WLS: variants seen among roughly 807,000 people sequenced by gnomAD.
WLS encodes the protein protein wntless homolog.
Under a neutral mutation model 62.8 loss-of-function variants are expected in WLS, and 23 were observed. The ratio of observed to expected loss-of-function variants is 0.37; its 90% confidence interval spans 0.26 to 0.52. WLS has a LOEUF of 0.52. Ranked by LOEUF, WLS falls within the 20% of genes least tolerant of loss-of-function variation. The pLI is 0.92. For missense variants in WLS, 615 were observed against 697.3 expected (o/e 0.88, Z 1.33); for synonymous variants, 246 against 244.1 (o/e 1.01, Z -0.07).
intron 11 of WLS, among the ~76,000 whole-genome samples, chr1:68,104,912 A>T (rs190227695): frequency 2.6e-5 from 4 of 152,214 alleles, no homozygotes; most frequent in Admixed American, 2.6e-4. Flanking sequence ...AAAGCAAGAC[A>T]CCTGTCTCAG....
intron 8 of WLS, among the ~76,000 whole-genome samples, chr1:68,146,551 C>T (rs1025511305): frequency 6.6e-6 from 1 of 152,010 alleles, no homozygotes; most frequent in Non-Finnish European, 1.5e-5. Context: ...TATAAGAATG[C>T]GATTGAGATA....
intron 1 of WLS, among the ~76,000 whole-genome samples, chr1:68,198,177 C>A (rs1557514782): frequency 1.3e-5 from 2 of 152,110 alleles, no homozygotes; most frequent in East Asian, 3.9e-4. Context: ...ACTTCTACAC[C>A]AGACCAATTC....
chr1:68,098,910 T>C (rs1404030710), intron 11 of WLS: 6 of 1,130,102 alleles, frequency 5.3e-6, no homozygotes, highest in South Asian at 2.0e-5. Context: ...GTGTCCTTCA[T>C]TGTGGGACAT....
Position 68,150,197 on chromosome 1 carries a change from C to G in WLS, c.963G>C (p.Glu321Asp). The change falls in exon 6 of 12, where the codon GAG becomes GAC. Residue 321 changes from glutamate to aspartate, a missense_variant. Glu to Asp is a conservative substitution (Grantham distance 45). Coordinates refer to ENST00000262348, the MANE Select transcript of WLS (RefSeq NM_024911.7). ...LLSFWIIFCG[E>D]HMMDQHERNH... ...TCCCGGCGGCTCTTACCATCATGTG[C>G]TCGCCACAGAAGATGATCCAGAAGG... is the stretch of plus-strand genomic sequence containing the variant. 10 of 1,614,062 alleles carry G rather than the reference C, an allele frequency of 6.2e-6. No homozygotes were observed. The highest frequency in any genetic ancestry group is 8.5e-6 in the Non-Finnish European group (10 of 1,179,978).
intron 2 of WLS, among the ~76,000 whole-genome samples, chr1:68,186,141 T>C (rs2100581939): frequency 6.6e-6 from 1 of 152,306 alleles, no homozygotes; most frequent in South Asian, 2.1e-4. Flanking sequence ...GCCATCATTT[T>C]TCTCCCAAAG....
rs115645626 is a variant in WLS, at chr1:68,180,279, C to G, written c.379+13676G>C. Among the ~76,000 whole-genome samples the G allele has an allele frequency of 2.7e-3, 414 of 152,098 alleles. 2 individuals are homozygous for G. The highest frequency in any genetic ancestry group is 9.8e-3 in the African/African-American group (405 of 41,498). ...AGAACTCTTTTCCATGTGACAGCAACTTAAGATACTAAACTGAAATATTTG... is the reference window on the plus strand; with the variant it reads ...AGAACTCTTTTCCATGTGACAGCAAGTTAAGATACTAAACTGAAATATTTG... On this transcript the variant is annotated intron_variant, in intron 2 of 11. Transcript: ENST00000262348.
At chr1:68,157,571 G>T (rs372615921) in intron 3 of WLS, among the ~76,000 whole-genome samples, 105 of 91,408 alleles carry the variant, frequency 1.1e-3, no homozygotes, top group African/African-American at 4.3e-3. Flanking sequence ...ACAGCAGGTG[G>T]CAACTTGACT....
intron 1 of WLS, among the ~76,000 whole-genome samples, chr1:68,222,916 G>T: frequency 7.2e-6 from 1 of 139,618 alleles, no homozygotes. Flanking sequence ...TGGGGGTGGG[G>T]GTGGGGGTGG....
chr1:68,231,820 G>T (rs1650434665), intron 1 of WLS: 4 of 480,864 alleles, frequency 8.3e-6, no homozygotes. Flanking sequence ...TGATTGGAAG[G>T]GAACCGAGAG....
chr1:68,142,102 G>T (rs755203252), intron 10 of WLS, among the ~76,000 whole-genome samples: 1 of 152,206 alleles, frequency 6.6e-6, no homozygotes, highest in Non-Finnish European at 1.5e-5. Flanking sequence ...GGCTTCCTTT[G>T]CTATAAGAAG....
At chr1:68,205,367 G>C (rs1020455797) in intron 1 of WLS, among the ~76,000 whole-genome samples, 4 of 152,108 alleles carry the variant, frequency 2.6e-5, no homozygotes, top group Non-Finnish European at 5.9e-5. Flanking sequence ...AAAGAAATTA[G>C]ATAGTAGGCA....
chr1:68,186,522 G>C, intron 2 of WLS: 1 of 429,630 alleles, frequency 2.3e-6, no homozygotes, highest in Non-Finnish European at 4.6e-6. Flanking sequence ...AAATGGATTG[G>C]TCTTGACTTT....
At chr1:68,139,642 TACTC>T (rs1646659287) in intron 10 of WLS, among the ~76,000 whole-genome samples, 1 of 152,214 alleles carries the variant, frequency 6.6e-6, no homozygotes, top group South Asian at 2.1e-4. Flanking sequence ...AAGCTGGAAA[TACTC>T]AATATTGACA....
At chr1:68,121,778 A>G (rs1196881784), downstream of WLS, among the ~76,000 whole-genome samples, 2 of 152,332 alleles carry the variant, frequency 1.3e-5, no homozygotes, top group East Asian at 3.9e-4. Context: ...AGGGTCACGC[A>G]GCAGAGAGAG....
intron 11 of WLS, among the ~76,000 whole-genome samples, chr1:68,099,189 C>T (rs1430634781): frequency 6.6e-6 from 1 of 152,048 alleles, no homozygotes; most frequent in Non-Finnish European, 1.5e-5. Context: ...ATTGAATCAT[C>T]TTTAAATTTA....
intron 4 of WLS, among the ~76,000 whole-genome samples, chr1:68,154,542 T>A (rs936273352): frequency 2.5e-4 from 38 of 152,282 alleles, no homozygotes; most frequent in African/African-American, 8.9e-4. Context: ...AATTACTACG[T>A]ATAAAAAAAA....
downstream of WLS, among the ~76,000 whole-genome samples, chr1:68,120,678 T>C (rs938048864): frequency 6.6e-6 from 1 of 150,978 alleles, no homozygotes; most frequent in Non-Finnish European, 1.5e-5. Flanking sequence ...ACAACACACA[T>C]CACTGCTGTT....
At chr1:68,168,115 G>A (rs539548421) in intron 2 of WLS, among the ~76,000 whole-genome samples, 10 of 152,206 alleles carry the variant, frequency 6.6e-5, no homozygotes, top group African/African-American at 2.2e-4. Context: ...GGTGGGAGGG[G>A]GGTGCTAGAA....
chr1:68,148,446 G>T, intron 7 of WLS, 117 bp downstream of exon 7: 1 of 1,118,720 alleles, frequency 8.9e-7, no homozygotes, highest in Non-Finnish European at 1.3e-6. Context: ...CACGTCCAGT[G>T]CTTCCAAACC....
Sources: gnomAD v4.1 joint callset for allele counts (sites outside exome capture counted in the v4.1 genomes callset) on GRCh38, gnomAD v4.1.1 for gene constraint, MANE v1.5 for transcripts, NCBI Gene and HGNC (gene_info 2026-07-23, HGNC 2026-07-21) for gene names.